The following GRID2 variants were observed in gnomAD, a reference collection of about 807,000 sequenced individuals.
The protein encoded by GRID2 is glutamate ionotropic receptor delta type subunit 2.
GRID2 carries 33 observed loss-of-function variants against 114.8 expected under a neutral mutation model. That is an observed-to-expected ratio of 0.29 (90% CI 0.22 to 0.38). The LOEUF (loss-of-function observed/expected upper bound fraction) is 0.38, where lower values mean the gene tolerates loss of function less well. GRID2 is among the 10% of genes least tolerant of loss of function. The pLI is 1.00. For missense variants in GRID2, 1,184 were observed against 1,257.7 expected, an observed-to-expected ratio of 0.94 and a Z score of 0.89; for synonymous variants, 505 against 449.9, an observed-to-expected ratio of 1.12 and a Z score of -1.55.
chr4:93,751,361 T>C (rs1732301650), intron 14 of GRID2, among the ~76,000 whole-genome samples: 1 of 152,222 alleles, frequency 6.6e-6, no homozygotes, highest in South Asian at 2.1e-4. Context: ...AATGAGACTC[T>C]ATAATTAAAG....
chr4:93,650,917 A>AT (rs34507454), intron 14 of GRID2, among the ~76,000 whole-genome samples: 110,431 of 151,962 alleles, frequency 0.73, 40,640 homozygotes, highest in African/African-American at 0.84. Context: ...TGCAAAAAAA[A>AT]ATTCATTCTG....
chr4:92,588,730 C>T (rs1318294076), intron 1 of GRID2, among the ~76,000 whole-genome samples: 2 of 150,112 alleles, frequency 1.3e-5, no homozygotes, highest in African/African-American at 4.9e-5. Context: ...CTCAAGTTCT[C>T]AGCCATGGAC....
intron 1 of GRID2, among the ~76,000 whole-genome samples, chr4:92,329,377 T>A (rs1270881946): frequency 6.6e-6 from 1 of 152,014 alleles, no homozygotes; most frequent in Admixed American, 6.6e-5. Context: ...TATTTTAGCT[T>A]CCCCAGAGTC....
chr4:92,571,333 C>G (rs1001906119), intron 1 of GRID2, among the ~76,000 whole-genome samples: 2 of 152,194 alleles, frequency 1.3e-5, no homozygotes, highest in African/African-American at 4.8e-5. Flanking sequence ...GAAGAGCTAA[C>G]TATCCTAAAT....
At chr4:92,865,584 C>A (rs1744800481) in intron 2 of GRID2, among the ~76,000 whole-genome samples, 1 of 152,112 alleles carries the variant, frequency 6.6e-6, no homozygotes, top group Admixed American at 6.6e-5. Flanking sequence ...ATCATATTCC[C>A]TTCAGGCTAA....
At chr4:93,511,086 A>T (rs749432424) in intron 12 of GRID2, among the ~76,000 whole-genome samples, 20 of 151,878 alleles carry the variant, frequency 1.3e-4, no homozygotes, top group Non-Finnish European at 2.6e-4. Flanking sequence ...ACAGGTGTGT[A>T]CCAGCACGCC....
chr4:92,840,430 C>G lies in GRID2; in HGVS notation c.245-244565C>G, dbSNP rs144263924. On this transcript the variant is annotated intron_variant, in intron 2 of 15. Coordinates refer to ENST00000282020, the MANE Select transcript of GRID2 (RefSeq NM_001510.4). ...TTTCTTTTCTCCCCTTCTTCCTCTA[C>G]TGAAAGTGATTTTCTATGGTGATAT... Among the ~76,000 whole-genome samples the G allele has an allele frequency of 5.8e-3, 874 of 151,950 alleles. 15 individuals are homozygous for G. Among genetic ancestry groups the G allele is most frequent in the African/African-American group, 0.02 (830 of 41,490 alleles).
chr4:93,758,194 C>G (rs1187948740), intron 14 of GRID2, among the ~76,000 whole-genome samples: 1 of 152,084 alleles, frequency 6.6e-6, no homozygotes, highest in African/African-American at 2.4e-5. Flanking sequence ...TACAATACAT[C>G]TAAAAATTAA....
intron 1 of GRID2, among the ~76,000 whole-genome samples, chr4:93,785,785 G>C (rs562960688): frequency 6.6e-6 from 1 of 152,228 alleles, no homozygotes; most frequent in South Asian, 2.1e-4. Flanking sequence ...TCAGAAACTC[G>C]TGTGGCAATC....
intron 14 of GRID2, among the ~76,000 whole-genome samples, chr4:93,757,027 G>T (rs1732807193): frequency 6.6e-6 from 1 of 152,154 alleles, no homozygotes; most frequent in African/African-American, 2.4e-5. Context: ...CAGTTCTCAG[G>T]AACATTTTTG....
intron 13 of GRID2, among the ~76,000 whole-genome samples, chr4:93,602,947 C>T (rs1290132081): frequency 2.0e-5 from 3 of 152,210 alleles, no homozygotes; most frequent in African/African-American, 2.4e-5. Context: ...CAGTGGCTCA[C>T]GCCTGTAATC....
At chr4:93,650,562 C>A (rs1722494661) in intron 14 of GRID2, among the ~76,000 whole-genome samples, 1 of 152,066 alleles carries the variant, frequency 6.6e-6, no homozygotes, top group South Asian at 2.1e-4. Context: ...CTGTACAAGA[C>A]CCTCTGTTTT....
intron 13 of GRID2, among the ~76,000 whole-genome samples, chr4:93,564,016 A>G (rs1206949127): frequency 1.3e-5 from 2 of 151,994 alleles, no homozygotes; most frequent in South Asian, 2.1e-4. Flanking sequence ...GAGGTCTGCT[A>G]TTGACCAAGA....
intron 2 of GRID2, among the ~76,000 whole-genome samples, chr4:92,898,196 C>T (rs921209555): frequency 7.2e-5 from 11 of 152,030 alleles, no homozygotes; most frequent in Non-Finnish European, 1.5e-4. Flanking sequence ...AGTGAACATC[C>T]CTAAAAGAAA....
At chr4:92,471,926 CT>C (rs1186215701) in intron 1 of GRID2, among the ~76,000 whole-genome samples, 1,101 of 57,340 alleles carry the variant, frequency 0.019, 7 homozygotes, top group African/African-American at 0.053. Context: ...ATCCATATTT[CT>C]TTTTTTTTTT....
chr4:93,580,739 C>G (rs1338974272), intron 13 of GRID2, among the ~76,000 whole-genome samples: 1 of 151,424 alleles, frequency 6.6e-6, no homozygotes, highest in Non-Finnish European at 1.5e-5. Context: ...CTTCCCCAGT[C>G]CCTGGCAAAG....
chr4:92,516,205 T>C (rs1724492899), intron 1 of GRID2, among the ~76,000 whole-genome samples: 1 of 151,952 alleles, frequency 6.6e-6, no homozygotes, highest in South Asian at 2.1e-4. Flanking sequence ...TACATTTTGC[T>C]TTGTTAAACT....
chr4:93,270,336 A>T (rs973346098), intron 8 of GRID2, among the ~76,000 whole-genome samples: 1 of 152,046 alleles, frequency 6.6e-6, no homozygotes, highest in African/African-American at 2.4e-5. Context: ...ATAAGATGCA[A>T]TGCCGATTAC....
At chr4:92,645,783 T>G (rs1579754033) in intron 2 of GRID2, among the ~76,000 whole-genome samples, 1 of 151,758 alleles carries the variant, frequency 6.6e-6, no homozygotes, top group Non-Finnish European at 1.5e-5. Flanking sequence ...TCCCATGTTT[T>G]AAAAGTATTG....
Sources: gnomAD v4.1 joint callset for allele counts (sites outside exome capture counted in the v4.1 genomes callset) on GRCh38, gnomAD v4.1.1 for gene constraint, MANE v1.5 for transcripts, NCBI Gene and HGNC (gene_info 2026-07-23, HGNC 2026-07-21) for gene names.